Variants in KIF1A observed in about 807,000 individuals in gnomAD.
KIF1A encodes the protein kinesin-like protein KIF1A.
A neutral mutation model predicts 227.3 loss-of-function variants in KIF1A; 46 were observed. That is an observed-to-expected ratio of 0.20 (90% confidence interval 0.16 to 0.26). The LOEUF is 0.26. Ranked by LOEUF, KIF1A falls within the 10% of genes least tolerant of loss-of-function variation. The pLI, the probability that KIF1A is intolerant of heterozygous loss-of-function variation, is 1.00. For synonymous variants in KIF1A, 1,022 were observed against 1,012.8 expected, an observed-to-expected ratio of 1.01 and a Z score of -0.17; for missense variants, 1,683 against 2,485.9, an observed-to-expected ratio of 0.68 and a Z score of 6.87.
At chr2:240,724,271 C>A in intron 40 of KIF1A, 1 of 570,888 alleles carries the variant, frequency 1.8e-6, no homozygotes, top group South Asian at 2.0e-5. Flanking sequence ...GGGGCTGTGA[C>A]GTGAGGCCAG....
intron 1 of KIF1A, among the ~76,000 whole-genome samples, chr2:240,816,319 G>A (rs749331333): frequency 6.6e-6 from 1 of 151,818 alleles, no homozygotes; most frequent in Non-Finnish European, 1.5e-5. Flanking sequence ...TGCATGGGTG[G>A]GTGTGCGTGC....
In KIF1A at chr2:240,778,008, C is replaced by A. The variant is rs1369469075; in HGVS notation, c.883-2082G>T. Reference sequence around the variant, plus strand: ...TCCCTCAAGGAGCTCTCGCCGTTCCCCGCACGGTTCCCACGCGGCTGCTCG... The same window carrying A: ...TCCCTCAAGGAGCTCTCGCCGTTCCACGCACGGTTCCCACGCGGCTGCTCG... On this transcript the variant is annotated intron_variant, in intron 10 of 48. Transcript: ENST00000498729. This position sits in a 1 kb window ranked among gnomAD's most constrained non-coding sequence, Gnocchi z 7.2. Among the ~76,000 whole-genome samples the A allele has an allele frequency of 1.3e-5, 2 of 152,194 alleles. No individual in the cohort carries two copies. The highest frequency in any genetic ancestry group is 2.9e-5 in the Non-Finnish European group (2 of 68,028).
At position 240,783,819 on chromosome 2, in the gene KIF1A, G is replaced by T; in HGVS notation, c.721-3C>A. 6.3e-7 allele frequency: 1 copy of T among 1,585,068 alleles called. No homozygotes were observed. The highest frequency in any genetic ancestry group is 2.3e-5 in the East Asian group (1 of 43,448). On this transcript the variant is annotated splice_polypyrimidine_tract_variant and splice_region_variant and intron_variant, in intron 7 of 48. Coordinates refer to ENST00000498729, the MANE Select transcript of KIF1A (RefSeq NM_001244008.2). ...TCCACCAGGCTGATTTTGCTCACCT[G>T]AAACAGTAGATACATCACATGCAGG...
chr2:240,744,026 T>C lies in KIF1A; in HGVS notation c.3500A>G (p.Tyr1167Cys), dbSNP rs1181405642. 6.2e-7 allele frequency: 1 copy of C among 1,613,696 alleles called. No individual in the cohort carries two copies. Among genetic ancestry groups the C allele is most frequent in the Admixed American group, 1.7e-5 (1 of 60,010 alleles). ...GAAAACAATGGGCTGGCTCTTGATGTACTCAATGAAGGACTTGGTCACCTC... is the reference window on the plus strand; with the variant it reads ...GAAAACAATGGGCTGGCTCTTGATGCACTCAATGAAGGACTTGGTCACCTC... ...AVEVTKSFIE[Y>C]IKSQPIVFEV... Residue 1167 changes from tyrosine to cysteine, a missense_variant, in exon 33 of 49, where the codon TAC becomes TGC. Coordinates refer to ENST00000498729, the MANE Select transcript of KIF1A (RefSeq NM_001244008.2).
At chr2:240,774,807 G>A (rs1435657265) in intron 11 of KIF1A, among the ~76,000 whole-genome samples, 1 of 152,136 alleles carries the variant, frequency 6.6e-6, no homozygotes, top group Non-Finnish European at 1.5e-5. Flanking sequence ...GATCACCACT[G>A]ACTCCACGCC....
At chr2:240,747,392 T>G in intron 28 of KIF1A, 71 bp from the exon 29 acceptor site, 2 of 1,236,096 alleles carry the variant, frequency 1.6e-6, no homozygotes. Flanking sequence ...AGAGCCAGGC[T>G]GGGCCACCCC....
chr2:240,736,685 T>C lies in KIF1A; in HGVS notation c.4007+378A>G, dbSNP rs1401076260. Reference sequence around the variant, plus strand: ...AGCTGCTCCACCTCTAGCCCCAGGATGCCTGCCAGAGGCCACTGACTCATC... The same window carrying C: ...AGCTGCTCCACCTCTAGCCCCAGGACGCCTGCCAGAGGCCACTGACTCATC... On this transcript the variant is annotated intron_variant, in intron 38 of 48. Coordinates refer to ENST00000498729, the MANE Select transcript of KIF1A (RefSeq NM_001244008.2). This position sits in a 1 kb window ranked among gnomAD's most constrained non-coding sequence, Gnocchi z 4.7. Among the ~76,000 whole-genome samples the C allele has an allele frequency of 3.3e-5, 5 of 152,212 alleles. No individual in the cohort carries two copies. The highest frequency in any genetic ancestry group is 7.3e-5 in the Non-Finnish European group (5 of 68,042).
At chr2:240,750,110 A>C (rs1159203095) in intron 28 of KIF1A, among the ~76,000 whole-genome samples, 1 of 152,260 alleles carries the variant, frequency 6.6e-6, no homozygotes, top group African/African-American at 2.4e-5. Context: ...GAGCAGGCTC[A>C]GATGGCACTG....
intron 1 of KIF1A, among the ~76,000 whole-genome samples, chr2:240,800,502 G>A: frequency 6.6e-6 from 1 of 152,200 alleles, no homozygotes; most frequent in East Asian, 1.9e-4. Flanking sequence ...AGCCTCCGGG[G>A]TGTATTTGCA....
At chr2:240,772,658 T>C (rs2052166864) in intron 13 of KIF1A, 62 bp from the exon 14 acceptor site, 2 of 1,363,978 alleles carry the variant, frequency 1.5e-6, no homozygotes, top group Admixed American at 4.0e-5. Flanking sequence ...CAGGTTTGTC[T>C]CCAGAGGGTC....
rs367806976 is a variant in KIF1A, at chr2:240,718,208, G to A, written c.5215-40C>T. 1.7e-4 allele frequency: 239 copies of A among 1,394,236 alleles called. 1 individual carries two copies. In the East Asian group the frequency reaches 1.9e-3, roughly 11 times the overall value. The allele number at this position is 1,394,236 out of a possible 1,614,324, so 86.4% of individuals were successfully genotyped here. ...AGCTGGTGAGGAGGTGCCAGGCTCC[G>A]TGGTCAGCACACCACCCTCCTGCTC... On this transcript the variant is annotated intron_variant, in intron 47 of 48. Coordinates refer to ENST00000498729, the MANE Select transcript of KIF1A (RefSeq NM_001244008.2).
chr2:240,782,146 G>C, intron 10 of KIF1A: 1 of 985,266 alleles, frequency 1.0e-6, no homozygotes, highest in Non-Finnish European at 1.2e-6. Context: ...GGCGCGCTCC[G>C]CGGCACCTCC....
intron 1 of KIF1A, among the ~76,000 whole-genome samples, chr2:240,802,862 T>A (rs778380060): frequency 6.6e-5 from 10 of 152,170 alleles, no homozygotes; most frequent in Non-Finnish European, 1.2e-4. Context: ...GCTCCTGGGC[T>A]CAAATGATCC....
intron 10 of KIF1A, among the ~76,000 whole-genome samples, chr2:240,782,356 C>A (rs1198838430): frequency 1.3e-5 from 2 of 152,208 alleles, no homozygotes; most frequent in East Asian, 1.9e-4. Context: ...CTCCCAGCAG[C>A]CCCCGCCCCA....
intron 5 of KIF1A, 57 bp from the exon 6 acceptor site, chr2:240,786,570 C>T (rs563451035): frequency 1.3e-6 from 2 of 1,541,940 alleles, no homozygotes; most frequent in Admixed American, 3.5e-5. Context: ...GGGGCTGCCA[C>T]TGGGGGGACC....
Position 240,783,092 on chromosome 2 carries a change from G to A in KIF1A, c.816C>T (p.Asn272=). The A allele has an allele frequency of 6.2e-7, 1 of 1,613,760 alleles. No individual in the cohort carries two copies. The highest frequency in any genetic ancestry group is 8.5e-7 in the Non-Finnish European group (1 of 1,179,792). Residue 272 remains asparagine (N), a synonymous_variant, in exon 9 of 49, where the codon AAC becomes AAT. Coordinates refer to ENST00000498729, the MANE Select transcript of KIF1A (RefSeq NM_001244008.2). ...GTRLKEGANI[N]KSLTTLGKVI... is the part of the protein sequence containing the mutation. The stretch of plus-strand genomic sequence containing the variant: ...CCTTGCCCAGGGTGGTCAGCGACTT[G>A]TTGATGTTGGCCCCCTCCTGCGGGC...
intron 38 of KIF1A, among the ~76,000 whole-genome samples, chr2:240,732,905 G>A (rs568579208): frequency 7.1e-4 from 87 of 122,138 alleles, no homozygotes; most frequent in African/African-American, 2.7e-3. Context: ...GGGAGGGATG[G>A]GGAAGAGAGG....
rs538845780 is a variant in KIF1A, at chr2:240,791,270, C to T, written c.107-1958G>A. Among the ~76,000 whole-genome samples, 64 of 152,272 alleles carry T rather than the reference C, an allele frequency of 4.2e-4. 1 individual carries two copies. Among genetic ancestry groups the T allele is most frequent in the African/African-American group, 1.4e-3 (60 of 41,544 alleles). On this transcript the variant is annotated intron_variant, in intron 2 of 48. Transcript: ENST00000498729. ...CCAGAACCCTAGCACGATCAACCAG[C>T]GCTGTGGAAACAATTGCAGCGCCTT...
intron 10 of KIF1A, chr2:240,781,904 G>A (rs939195218): frequency 5.1e-6 from 5 of 985,216 alleles, no homozygotes; most frequent in African/African-American, 1.7e-5. Flanking sequence ...CTCCTCACAC[G>A]GGCCGCACAG....
Sources: allele counts gnomAD v4.1 joint callset (sites outside exome capture counted in the v4.1 genomes callset), GRCh38; gene constraint gnomAD v4.1.1; non-coding constraint Gnocchi (gnomAD v3.1); transcripts MANE v1.5; gene names NCBI Gene and HGNC (gene_info 2026-07-23, HGNC 2026-07-21).